Variants in ANKRD46 observed in about 807,000 individuals in gnomAD.
ANKRD46 encodes the protein ankyrin repeat domain-containing protein 46.
A neutral mutation model predicts 19.8 loss-of-function variants in ANKRD46; 13 were observed. The observed-to-expected ratio is 0.66, with a 90% confidence interval of 0.43 to 1.04. The LOEUF is 1.04. Among genes scored for constraint, ANKRD46 ranks in the 50% least tolerant of loss-of-function variants. ANKRD46 has a pLI of 0.00. For synonymous variants in ANKRD46, 91 were observed against 106.9 expected (o/e 0.85, Z 0.92); for missense variants, 185 against 274.8 (o/e 0.67, Z 2.31).
At chr8:100,551,799 G>T in intron 1 of ANKRD46, 1 of 414,656 alleles carries the variant, frequency 2.4e-6, no homozygotes, top group Non-Finnish European at 4.5e-6. Flanking sequence ...TCTTTTTGTT[G>T]AGTTTTAAGA....
In ANKRD46 at chr8:100,534,763, T is replaced by C. The variant is rs1322172403; in HGVS notation, c.-130-1452A>G. Among the ~76,000 whole-genome samples, 1 of 152,200 alleles carries C rather than the reference T, an allele frequency of 6.6e-6. No individual in the cohort carries two copies. The highest frequency in any genetic ancestry group is 2.4e-5 in the African/African-American group (1 of 41,448). ...AAATCCACAAGAAGGACAATGCTTC[T>C]GCAATTTTTTCTTTTTTTATTTTTG... is the stretch of plus-strand genomic sequence containing the variant. On this transcript the variant is annotated intron_variant, in intron 1 of 4. Transcript: ENST00000335659. This position sits in a 1 kb window ranked among gnomAD's most constrained non-coding sequence, Gnocchi z 4.2.
chr8:100,522,280 T>C lies in ANKRD46; in HGVS notation c.*275A>G. Reference sequence around the variant, plus strand: ...TCTTCCTTTATCTTCCATTCTCTAGTCACTTCCGTGTTTTTATCAAACAAG... The same window carrying C: ...TCTTCCTTTATCTTCCATTCTCTAGCCACTTCCGTGTTTTTATCAAACAAG... On this transcript the variant is annotated 3_prime_UTR_variant, in exon 5 of 5. Coordinates refer to ENST00000335659, the MANE Select transcript of ANKRD46 (RefSeq NM_001270377.2). 8.1e-7 allele frequency: 1 copy of C among 1,230,996 alleles called. No homozygotes were observed. Among genetic ancestry groups the C allele is most frequent in the Non-Finnish European group, 1.0e-6 (1 of 980,408 alleles). The allele number at this position is 1,230,996 out of a possible 1,614,324, so 76.3% of individuals were successfully genotyped here.
chr8:100,523,921 G>C lies in ANKRD46; in HGVS notation c.471-1150C>G, dbSNP rs569214390. On this transcript the variant is annotated intron_variant, in intron 4 of 4. Coordinates refer to ENST00000335659, the MANE Select transcript of ANKRD46 (RefSeq NM_001270377.2). ...GACCTCCCAAAGTGCTGGGATTACA[G>C]GCATGAGCCACCACAGCTGGCCTAG... 1.1e-4 allele frequency among the ~76,000 whole-genome samples: 17 copies of C among 152,356 alleles called. No individual in the cohort carries two copies. The East Asian group carries it at 3.1e-3, about 28-fold the overall frequency.
chr8:100,552,666 T>A lies in ANKRD46; in HGVS notation c.-131+7045A>T, dbSNP rs532533690. On this transcript the variant is annotated intron_variant, in intron 1 of 4. Transcript: ENST00000335659. ...TGACCAGTCCAATAAAACTCTTTGCTTGGAATGCCAGAGAAATACATTCAC... is the reference window on the plus strand; with the variant it reads ...TGACCAGTCCAATAAAACTCTTTGCATGGAATGCCAGAGAAATACATTCAC... 3.7e-4 allele frequency among the ~76,000 whole-genome samples: 57 copies of A among 152,332 alleles called. 1 individual carries two copies. The highest frequency in any genetic ancestry group is 1.0e-3 in the African/African-American group (42 of 41,574).
intron 1 of ANKRD46, chr8:100,556,461 T>C (rs1812502851): frequency 6.6e-6 from 1 of 152,206 alleles, no homozygotes. Flanking sequence ...ATTAAAACAA[T>C]CCAAGTGTAG....
In ANKRD46 at chr8:100,534,928, G is replaced by A. The variant is rs143984696; in HGVS notation, c.-130-1617C>T. Among the ~76,000 whole-genome samples, 2,489 of 152,222 alleles carry A rather than the reference G, an allele frequency of 0.016. 74 individuals carry two copies. Among genetic ancestry groups the A allele is most frequent in the African/African-American group, 0.056 (2,341 of 41,518 alleles). On this transcript the variant is annotated intron_variant, in intron 1 of 4. Coordinates refer to ENST00000335659, the MANE Select transcript of ANKRD46 (RefSeq NM_001270377.2). The surrounding 1 kb of genome is among the most constrained non-coding windows in gnomAD (Gnocchi z 4.2). ...ACTACAGCCATGTGCCACCATGCCT[G>A]GGTAATTTTTGTATTTTTAGTGGAG... is the stretch of plus-strand genomic sequence containing the variant.
In ANKRD46 at chr8:100,513,461, T is replaced by C. The variant is rs149194042; in HGVS notation, c.637-2822A>G. ...ATTAATCGTGATAGGTCTGTGAGGT[T>C]CCTATTATTTGTTTTAAACATGAAA... On this transcript the variant is annotated intron_variant, in intron 5 of 5. Transcript: ENST00000520552. 3.3e-3 allele frequency among the ~76,000 whole-genome samples: 501 copies of C among 152,338 alleles called. 1 individual carries two copies. The highest frequency in any genetic ancestry group is 0.011 in the African/African-American group (458 of 41,578).
rs769104118 is a variant in ANKRD46, at chr8:100,529,697, C to T, written c.137G>A (p.Arg46Lys). Reference sequence around the variant, plus strand: ...AGCTGCTGCAAGGTGAAGGCCTGTTCTGCCCCTGCTGTCACGAATATTTGG... The same window carrying T: ...AGCTGCTGCAAGGTGAAGGCCTGTTTTGCCCCTGCTGTCACGAATATTTGG... ...FDPNIRDSRG[R>K]TGLHLAAARG... Residue 46 changes from arginine to lysine, a missense_variant, in exon 3 of 5, where the codon AGA (arginine) becomes AAA (lysine). Transcript: ENST00000335659. This position sits in a 1 kb window ranked among gnomAD's most constrained non-coding sequence, Gnocchi z 5.8. 1.9e-6 allele frequency: 3 copies of T among 1,614,254 alleles called. No individual in the cohort carries two copies. The East Asian group carries it at 6.7e-5, about 36-fold the overall frequency.
Position 100,534,376 on chromosome 8 carries a change from C to T in ANKRD46, c.-130-1065G>A, listed in dbSNP as rs1324218609. ...AGTAAATATCACGAAGACATGATAA[C>T]ACACAAAACATCTACGCTCCTCATT... On this transcript the variant is annotated intron_variant, in intron 1 of 4. Transcript: ENST00000335659. This position sits in a 1 kb window ranked among gnomAD's most constrained non-coding sequence, Gnocchi z 4.2. 6.6e-6 allele frequency among the ~76,000 whole-genome samples: 1 copy of T among 152,206 alleles called. No individual in the cohort carries two copies. Among genetic ancestry groups the T allele is most frequent in the Non-Finnish European group, 1.5e-5 (1 of 68,034 alleles).
downstream of ANKRD46, among the ~76,000 whole-genome samples, chr8:100,519,801 C>A (rs1039218670): frequency 1.3e-5 from 2 of 152,144 alleles, no homozygotes; most frequent in East Asian, 3.9e-4. Flanking sequence ...AAGCTACAGG[C>A]GCACTGTGGA....
intron 1 of ANKRD46, among the ~76,000 whole-genome samples, chr8:100,558,516 T>A (rs1325803380): frequency 6.6e-6 from 1 of 152,218 alleles, no homozygotes; most frequent in East Asian, 1.9e-4. Flanking sequence ...CAGTCCAAGT[T>A]TAACTTTATT....
rs1339121013 is a variant in ANKRD46, at chr8:100,545,367, A to G, written c.-130-12056T>C. Among the ~76,000 whole-genome samples the G allele has an allele frequency of 6.6e-6, 1 of 152,092 alleles. No homozygotes were observed. The highest frequency in any genetic ancestry group is 1.5e-5 in the Non-Finnish European group (1 of 68,012). ...TGGTTACCCCCATGCTGTTCTCATGATAGTGAGGGAGGGCTCATAAATAAG... is the reference window on the plus strand; with the variant it reads ...TGGTTACCCCCATGCTGTTCTCATGGTAGTGAGGGAGGGCTCATAAATAAG... On this transcript the variant is annotated intron_variant, in intron 1 of 4. Coordinates refer to ENST00000335659, the MANE Select transcript of ANKRD46 (RefSeq NM_001270377.2). The surrounding 1 kb of genome is among the most constrained non-coding windows in gnomAD (Gnocchi z 4.7).
rs2130662999 is a variant in ANKRD46 at position 100,531,721 on chromosome 8, G to T, written c.-28+1488C>A. Among the ~76,000 whole-genome samples, 2 of 152,204 alleles carry T rather than the reference G, an allele frequency of 1.3e-5. 1 individual carries two copies. The highest frequency in any genetic ancestry group is 4.1e-4 in the South Asian group (2 of 4,822). ...TGCGGTGGTACAATCATGGCTCACT[G>T]CAGCCTCAAACTCCTGGGTTCAAGC... On this transcript the variant is annotated intron_variant, in intron 2 of 4. Coordinates refer to ENST00000335659, the MANE Select transcript of ANKRD46 (RefSeq NM_001270377.2).
At chr8:100,520,769 T>C, downstream of ANKRD46, 1 of 905,634 alleles carries the variant, frequency 1.1e-6, no homozygotes, top group African/African-American at 1.9e-5. Flanking sequence ...AGAGAAATCG[T>C]GATTAAGGGA....
Position 100,524,920 on chromosome 8 carries a change from C to T in ANKRD46, c.471-2149G>A, listed in dbSNP as rs1025396783. 1.2e-4 allele frequency among the ~76,000 whole-genome samples: 18 copies of T among 152,092 alleles called. No individual in the cohort carries two copies. Among genetic ancestry groups the T allele is most frequent in the African/African-American group, 4.1e-4 (17 of 41,416 alleles). On this transcript the variant is annotated intron_variant, in intron 4 of 4. Coordinates refer to ENST00000335659, the MANE Select transcript of ANKRD46 (RefSeq NM_001270377.2). This position sits in a 1 kb window ranked among gnomAD's most constrained non-coding sequence, Gnocchi z 4.3. ...TCTTTTTTTAAAAACGTGATATCTA[C>T]ACTGTCTTTGGGGGGTGTGTTTGCA...
Position 100,522,351 on chromosome 8 carries a change from C to G in ANKRD46, c.*204G>C. The G allele has an allele frequency of 7.2e-7, 1 of 1,386,692 alleles. No individual in the cohort carries two copies. The highest frequency in any genetic ancestry group is 2.7e-5 in the East Asian group (1 of 36,972). 85.9% of individuals were successfully genotyped at this position (1,386,692 alleles called of 1,614,324 possible). A position where few individuals can be genotyped will look rare whatever the true frequency, so the allele number is the denominator to read the frequency against. ...CAAAGTCAGGTTGAGTCAGAGGTAGCGTTAGGATGCAATATACTTGATCAT... is the reference window on the plus strand; with the variant it reads ...CAAAGTCAGGTTGAGTCAGAGGTAGGGTTAGGATGCAATATACTTGATCAT... On this transcript the variant is annotated 3_prime_UTR_variant, in exon 5 of 5. Transcript: ENST00000335659.
intron 1 of ANKRD46, among the ~76,000 whole-genome samples, chr8:100,539,567 T>C (rs774863512): frequency 1.3e-5 from 2 of 152,242 alleles, no homozygotes; most frequent in Non-Finnish European, 1.5e-5. Flanking sequence ...ATTTTTATTT[T>C]ATATCCAACT....
At chr8:100,541,105 A>G (rs1812166869) in intron 1 of ANKRD46, among the ~76,000 whole-genome samples, 1 of 151,060 alleles carries the variant, frequency 6.6e-6, no homozygotes, top group Non-Finnish European at 1.5e-5. Context: ...CTAACTGTGA[A>G]TTTGTGAAAA....
chr8:100,515,224 A>AAT (rs1811610476), intron 5 of ANKRD46, among the ~76,000 whole-genome samples: 1 of 152,186 alleles, frequency 6.6e-6, no homozygotes, highest in Non-Finnish European at 1.5e-5. Flanking sequence ...AATGAGCTTG[A>AAT]ATATATAATT....
Sources: allele counts gnomAD v4.1 joint callset (sites outside exome capture counted in the v4.1 genomes callset), GRCh38; gene constraint gnomAD v4.1.1; non-coding constraint Gnocchi (gnomAD v3.1); transcripts MANE v1.5; gene names NCBI Gene and HGNC (gene_info 2026-07-23, HGNC 2026-07-21).